The following NLRC5 variants were observed in gnomAD, a reference collection of about 807,000 sequenced individuals.
The protein encoded by NLRC5 is protein NLRC5.
NLRC5 carries 114 observed loss-of-function variants against 206.9 expected under a neutral mutation model. That is an observed-to-expected ratio of 0.55 (90% CI 0.47 to 0.64). The LOEUF is 0.64. Ranked by LOEUF, NLRC5 falls within the 30% of genes least tolerant of loss-of-function variation. The pLI, the probability that NLRC5 is intolerant of heterozygous loss-of-function variation, is 0.00. For missense variants in NLRC5, 2,008 were observed against 2,305.5 expected, an observed-to-expected ratio of 0.87 and a Z score of 2.64; for synonymous variants, 952 against 962.8, an observed-to-expected ratio of 0.99 and a Z score of 0.21.
At chr16:57,025,259 A>T in intron 5 of NLRC5, 109 bp from the exon 6 acceptor site, 1 of 1,470,020 alleles carries the variant, frequency 6.8e-7, no homozygotes, top group Non-Finnish European at 9.0e-7. Flanking sequence ...ACCCCATCAT[A>T]CATACACATC....
rs769341936 is a variant in NLRC5, at chr16:57,047,530, A to G, written c.3339-15A>G. 44 of 1,608,868 alleles carry G rather than the reference A, an allele frequency of 2.7e-5. No individual in the cohort carries two copies. Among genetic ancestry groups the G allele is most frequent in the Non-Finnish European group, 3.6e-5 (42 of 1,177,836 alleles). On this transcript the variant is annotated splice_polypyrimidine_tract_variant and intron_variant, in intron 22 of 48. Coordinates refer to ENST00000688547, the MANE Select transcript of NLRC5 (RefSeq NM_001384950.1). Reference sequence around the variant, plus strand: ...CTTTCTCTGATTCCCTGCCCTGCCCATTGCCCCTTTGCAGCCTCAGTGAGT... The same window carrying G: ...CTTTCTCTGATTCCCTGCCCTGCCCGTTGCCCCTTTGCAGCCTCAGTGAGT...
chr16:57,052,005 C>T (rs1452408708), intron 24 of NLRC5, among the ~76,000 whole-genome samples: 3 of 152,186 alleles, frequency 2.0e-5, no homozygotes, highest in African/African-American at 7.2e-5. Flanking sequence ...CAACTTCTCC[C>T]CACCCACGGA....
intron 39 of NLRC5, 109 bp downstream of exon 39, chr16:57,074,792 G>A (rs1359995882): frequency 6.6e-6 from 7 of 1,057,304 alleles, no homozygotes; most frequent in Non-Finnish European, 7.2e-6. Flanking sequence ...ATCCTTTGCG[G>A]ATCCCTCCCA....
chr16:57,063,895 C>T (rs1026228605), intron 32 of NLRC5, among the ~76,000 whole-genome samples: 6 of 151,706 alleles, frequency 4.0e-5, no homozygotes, highest in South Asian at 2.1e-4. Flanking sequence ...CCCGCCACCA[C>T]GCCTGACTAA....
chr16:57,076,746 G>C (rs199476011), intron 39 of NLRC5, 73 bp from the exon 40 acceptor site: 25 of 1,395,478 alleles, frequency 1.8e-5, no homozygotes, highest in Non-Finnish European at 2.5e-5. Flanking sequence ...GCAAACTGTA[G>C]AGTTCTTAGC....
intron 19 of NLRC5, 66 bp downstream of exon 19, chr16:57,042,131 C>A: frequency 9.7e-7 from 1 of 1,032,616 alleles, no homozygotes; most frequent in Non-Finnish European, 1.4e-6. Context: ...TGTCCCATCC[C>A]CCTCTTTCCT....
chr16:57,047,124 A>C (rs2064089108), intron 22 of NLRC5, among the ~76,000 whole-genome samples: 1 of 152,186 alleles, frequency 6.6e-6, no homozygotes, highest in Non-Finnish European at 1.5e-5. Context: ...TGTTAGCCCC[A>C]GGGCAATGGG....
intron 1 of NLRC5, among the ~76,000 whole-genome samples, chr16:57,012,347 T>C (rs2059588387): frequency 6.6e-6 from 1 of 152,164 alleles, no homozygotes; most frequent in Non-Finnish European, 1.5e-5. Context: ...TAGATGTATA[T>C]TTTCATTTCT....
At chr16:57,022,184 C>G in intron 3 of NLRC5, 72 bp from the exon 4 acceptor site, 3 of 1,337,834 alleles carry the variant, frequency 2.2e-6, no homozygotes, top group Non-Finnish European at 3.2e-6. Context: ...CTGAGCCAGG[C>G]GCCAGGCCAG....
rs79917990 is a variant in NLRC5 at position 57,051,003 on chromosome 16, C to T, written c.3423-535C>T. 7.9e-3 allele frequency among the ~76,000 whole-genome samples: 1,208 copies of T among 152,206 alleles called. 20 individuals carry two copies. Among genetic ancestry groups the T allele is most frequent in the African/African-American group, 0.028 (1,162 of 41,530 alleles). ...GAGTAGCTATTACTACAGGTGTGCACCACCACGCCTGGCTAATTTTTTTTT... is the reference window on the plus strand; with the variant it reads ...GAGTAGCTATTACTACAGGTGTGCATCACCACGCCTGGCTAATTTTTTTTT... On this transcript the variant is annotated intron_variant, in intron 23 of 48. Transcript: ENST00000688547.
At chr16:57,061,764 T>C (rs939935188) in intron 32 of NLRC5, 63 bp downstream of exon 32, 2 of 1,573,164 alleles carry the variant, frequency 1.3e-6, no homozygotes, top group African/African-American at 2.7e-5. Context: ...GGGTGGGCAC[T>C]GGAGTAAGAG....
rs1343557296 is a variant in NLRC5 at position 57,026,070 on chromosome 16, T to A, written c.1127T>A (p.Val376Glu). The change falls in exon 6 of 49, where the codon GTG becomes GAG. Residue 376 changes from valine to glutamate, a missense_variant. Transcript: ENST00000688547. Reference sequence around the variant, plus strand: ...GATGGGCCACGGGTGGAAGAATATGTGAATCACTTCTTCAGCGCCCAGCCA... The same window carrying A: ...GATGGGCCACGGGTGGAAGAATATGAGAATCACTTCTTCAGCGCCCAGCCA... ...GFDGPRVEEY[V>E]NHFFSAQPSR... 6.2e-7 allele frequency: 1 copy of A among 1,614,058 alleles called. No individual in the cohort carries two copies. The highest frequency in any genetic ancestry group is 1.3e-5 in the African/African-American group (1 of 75,042).
chr16:57,054,687 C>T (rs1218279139), intron 24 of NLRC5, 64 bp from the exon 25 acceptor site: 4 of 565,466 alleles, frequency 7.1e-6, no homozygotes, highest in Non-Finnish European at 1.4e-5. Context: ...CCTTTCCTTA[C>T]CCTCCAGGCT....
At chr16:57,075,574 G>A (rs556725518) in intron 39 of NLRC5, among the ~76,000 whole-genome samples, 37 of 152,260 alleles carry the variant, frequency 2.4e-4, no homozygotes, top group African/African-American at 7.0e-4. Context: ...TGGGGGCCAC[G>A]GTCAGCACTT....
In NLRC5 at chr16:57,070,763, G is replaced by A. The variant is rs1366544479; in HGVS notation, c.4667+145G>A. Reference sequence around the variant, plus strand: ...TAATGGGGAATGGGGTGAGTGAGTGGTGGGAGTGGTTAATGGGGAATGGGC... The same window carrying A: ...TAATGGGGAATGGGGTGAGTGAGTGATGGGAGTGGTTAATGGGGAATGGGC... On this transcript the variant is annotated intron_variant, in intron 38 of 48. Transcript: ENST00000688547. 1.3e-5 allele frequency: 9 copies of A among 691,576 alleles called. 1 individual carries two copies. The highest frequency in any genetic ancestry group is 1.2e-4 in the South Asian group (7 of 59,910). The allele number at this position is 691,576 out of a possible 1,614,324, so 42.8% of individuals were successfully genotyped here.
At chr16:57,023,927 C>T (rs1374829227) in intron 5 of NLRC5, 74 bp downstream of exon 5, 4 of 1,375,954 alleles carry the variant, frequency 2.9e-6, no homozygotes, top group African/African-American at 2.9e-5. Context: ...GACCCTGGAC[C>T]TTGTCCCCTG....
chr16:57,067,423 T>C lies in NLRC5; in HGVS notation c.4359T>C (p.Leu1453=), dbSNP rs2067189029. 1 of 1,614,126 alleles carries C rather than the reference T, an allele frequency of 6.2e-7. No homozygotes were observed. Among genetic ancestry groups the C allele is most frequent in the Non-Finnish European group, 8.5e-7 (1 of 1,180,050 alleles). Residue 1453 remains leucine, a synonymous_variant, in exon 35 of 49, where the codon CTT becomes CTC. Transcript: ENST00000688547. ...AHCDLGAHHS[L]LVGQLMETCA... is the part of the protein sequence containing the mutation. ...GTGACCTTGGAGCCCACCACAGCCT[T>C]CTTGTCGGGCAGCTGATGGAGACAT...
At chr16:57,059,597 C>G in intron 30 of NLRC5, 65 bp downstream of exon 30, 1 of 1,437,960 alleles carries the variant, frequency 7.0e-7, no homozygotes, top group Non-Finnish European at 9.4e-7. Flanking sequence ...CTATGGCGGC[C>G]TCCATGGCCC....
chr16:57,079,946 G>A (rs1024886099), intron 46 of NLRC5, among the ~76,000 whole-genome samples: 1 of 152,196 alleles, frequency 6.6e-6, no homozygotes, highest in Non-Finnish European at 1.5e-5. Context: ...GAGGCAACTG[G>A]ATAGACCACC....
Sources: gnomAD v4.1 joint callset for allele counts (sites outside exome capture counted in the v4.1 genomes callset) on GRCh38, gnomAD v4.1.1 for gene constraint, MANE v1.5 for transcripts, NCBI Gene and HGNC (gene_info 2026-07-23, HGNC 2026-07-21) for gene names.